Variants in CBR3 observed in about 807,000 individuals in gnomAD.
CBR3 encodes the protein carbonyl reductase [NADPH] 3.
Under a neutral mutation model 11.6 loss-of-function variants are expected in CBR3, and 14 were observed. The observed-to-expected ratio is 1.20, with a 90% CI of 0.79 to 1.88. CBR3 has a LOEUF of 1.88. Among genes scored for constraint, CBR3 ranks in the 40% most tolerant of loss-of-function variants. CBR3 has a pLI of 0.00. For missense variants in CBR3, 308 were observed against 357.3 expected (o/e 0.86, Z 1.11); for synonymous variants, 125 against 145.6 (o/e 0.86, Z 1.02).
intron 2 of CBR3, among the ~76,000 whole-genome samples, chr21:36,139,045 G>A (rs1030446407): frequency 1.3e-4 from 19 of 151,908 alleles, no homozygotes; most frequent in African/African-American, 4.6e-4. Context: ...ATGCCCGAAC[G>A]AGAAATTTTC....
At chr21:36,136,173 G>T (rs2065658588) in intron 1 of CBR3, among the ~76,000 whole-genome samples, 1 of 152,064 alleles carries the variant, frequency 6.6e-6, no homozygotes, top group Non-Finnish European at 1.5e-5. Context: ...AAAATTACAG[G>T]AGGGCGCAGT....
At position 36,146,462 on chromosome 21, in the gene CBR3, A is replaced by T. The variant is rs141918656; in HGVS notation, c.784A>T (p.Thr262Ser). ...CTTGGCCCTCTTGCCTCCAGATGCC[A>T]CTGAGCCACAAGGCCAGTTGGTCCA... is the stretch of plus-strand genomic sequence containing the variant. The part of the protein sequence containing the change: ...VYLALLPPDA[T>S]EPQGQLVHDK... Residue 262 changes from threonine to serine, a missense_variant, in exon 3 of 3, where the codon ACT becomes TCT. By Grantham distance (58) the Thr-to-Ser change is moderately conservative. Transcript: ENST00000290354. 2 of 1,613,256 alleles carry T rather than the reference A, an allele frequency of 1.2e-6. No individual in the cohort carries two copies. The highest frequency in any genetic ancestry group is 1.7e-6 in the Non-Finnish European group (2 of 1,179,314).
At chr21:36,136,102 G>A (rs2065658046) in intron 1 of CBR3, among the ~76,000 whole-genome samples, 1 of 152,124 alleles carries the variant, frequency 6.6e-6, no homozygotes. Context: ...GGTCTTAAAA[G>A]CATCTTCCTT....
At chr21:36,139,109 T>C (rs1168871898) in intron 2 of CBR3, among the ~76,000 whole-genome samples, 1 of 152,134 alleles carries the variant, frequency 6.6e-6, no homozygotes, top group Admixed American at 6.6e-5. Flanking sequence ...ATGTTACTAT[T>C]ATACTTTTCC....
intron 2 of CBR3, 40 bp downstream of exon 2, chr21:36,137,972 T>C (rs1484774728): frequency 9.1e-7 from 1 of 1,104,172 alleles, no homozygotes; most frequent in Non-Finnish European, 1.4e-6. Flanking sequence ...CATCCCTCAG[T>C]AAGAAGTGGG....
Position 36,135,156 on chromosome 21 carries a change from G to A in CBR3, c.-37G>A. On this transcript the variant is annotated 5_prime_UTR_variant, in exon 1 of 3. Coordinates refer to ENST00000290354, the MANE Select transcript of CBR3 (RefSeq NM_001236.4). ...CCCCAGGTGGTCCGAAGCCCGGTCC[G>A]CCCTCCACGCAGGTGCCCCGCGCTC... 1 of 1,416,676 alleles carries A rather than the reference G, an allele frequency of 7.1e-7. No homozygotes were observed. The highest frequency in any genetic ancestry group is 9.2e-7 in the Non-Finnish European group (1 of 1,090,794). 87.8% of individuals were successfully genotyped at this position (1,416,676 alleles called of 1,614,324 possible). A position where few individuals can be genotyped will look rare whatever the true frequency, so the allele number is the denominator to read the frequency against.
chr21:36,135,432 G>T lies in CBR3; in HGVS notation c.240G>T (p.Glu80Asp), dbSNP rs765857316. ...IRALRDFLRKEYGGLNVLVNN... is the reference protein window; with the variant it reads ...IRALRDFLRKDYGGLNVLVNN... ...CCCTGCGCGACTTCCTGCGCAAGGA[G>T]TACGGGGGGCTCAACGTACTGGTCA... Residue 80 changes from glutamate (E) to aspartate (D), a missense_variant, in exon 1 of 3, where the codon GAG becomes GAT. Coordinates refer to ENST00000290354, the MANE Select transcript of CBR3 (RefSeq NM_001236.4). 2.5e-6 allele frequency: 4 copies of T among 1,613,672 alleles called. No individual in the cohort carries two copies. The highest frequency in any genetic ancestry group is 3.4e-6 in the Non-Finnish European group (4 of 1,179,792).
rs1464403839 is a variant in CBR3 at position 36,137,867 on chromosome 21, T to C, written c.332T>C (p.Leu111Pro). The C allele has an allele frequency of 1.2e-6, 2 of 1,611,970 alleles. No individual in the cohort carries two copies. Among genetic ancestry groups the C allele is most frequent in the South Asian group, 1.1e-5 (1 of 91,052 alleles). ...TTTGACATTAAAGCTGAGATGACAC[T>C]GAAGACAAATTTTTTTGCCACTAGA... Reference protein sequence around the residue: ...MPFDIKAEMTLKTNFFATRNM... With the variant: ...MPFDIKAEMTPKTNFFATRNM... Residue 111 changes from leucine to proline, a missense_variant, in exon 2 of 3, where the codon CTG (leucine) becomes CCG (proline). By Grantham distance (98) the Leu-to-Pro change is moderately conservative. Coordinates refer to ENST00000290354, the MANE Select transcript of CBR3 (RefSeq NM_001236.4).
Position 36,135,092 on chromosome 21 carries a change from C to G in CBR3, c.-101C>G. The G allele has an allele frequency of 2.6e-6, 3 of 1,174,188 alleles. No individual in the cohort carries two copies. Among genetic ancestry groups the G allele is most frequent in the Non-Finnish European group, 3.4e-6 (3 of 882,894 alleles). The allele number at this position is 1,174,188 out of a possible 1,614,324, so 72.7% of individuals were successfully genotyped here. A position where few individuals can be genotyped will look rare whatever the true frequency, so the allele number is the denominator to read the frequency against. On this transcript the variant is annotated 5_prime_UTR_variant, in exon 1 of 3. Transcript: ENST00000290354. Reference sequence around the variant, plus strand: ...GCACTGGATCCCAGAACTTAGTCTGCGCGGCGGCATTGACACTAGCTGGGC... The same window carrying G: ...GCACTGGATCCCAGAACTTAGTCTGGGCGGCGGCATTGACACTAGCTGGGC...
intron 2 of CBR3, among the ~76,000 whole-genome samples, chr21:36,142,439 A>AAAAAAAAAACAAC (rs1555883289): frequency 3.4e-5 from 5 of 147,646 alleles, no homozygotes; most frequent in African/African-American, 1.0e-4. Context: ...CTCAAAAAAA[A>AAAAAAAAAACAAC]AAAAAAAAAC....
Position 36,146,364 on chromosome 21 carries a change from G to C in CBR3, c.686G>C (p.Gly229Ala), listed in dbSNP as rs2123355374. Residue 229 changes from glycine to alanine, a missense_variant, in exon 3 of 3, where the codon GGA becomes GCA. Coordinates refer to ENST00000290354, the MANE Select transcript of CBR3 (RefSeq NM_001236.4). ...DRILVNACCP[G>A]PVKTDMDGKD... Reference sequence around the variant, plus strand: ...ATTCTGGTGAATGCGTGCTGCCCAGGACCAGTGAAGACAGACATGGATGGG... The same window carrying C: ...ATTCTGGTGAATGCGTGCTGCCCAGCACCAGTGAAGACAGACATGGATGGG... The C allele has an allele frequency of 6.2e-7, 1 of 1,614,152 alleles. No individual in the cohort carries two copies. Among genetic ancestry groups the C allele is most frequent in the Non-Finnish European group, 8.5e-7 (1 of 1,180,026 alleles).
At chr21:36,136,620 G>A (rs910186709) in intron 1 of CBR3, among the ~76,000 whole-genome samples, 1 of 152,072 alleles carries the variant, frequency 6.6e-6, no homozygotes, top group Non-Finnish European at 1.5e-5. Flanking sequence ...GACGACAGGC[G>A]GAGGGACTTC....
chr21:36,141,278 G>C (rs1237438387), intron 2 of CBR3: 2 of 86,348 alleles, frequency 2.3e-5, no homozygotes, highest in African/African-American at 4.2e-5. Context: ...AAAAAAAAAT[G>C]CATTTAACGC....
chr21:36,136,218 C>A (rs2065658953), intron 1 of CBR3, among the ~76,000 whole-genome samples: 1 of 149,050 alleles, frequency 6.7e-6, no homozygotes, highest in African/African-American at 2.5e-5. Flanking sequence ...TTTGGGAGGC[C>A]GAGGCAGGAG....
At chr21:36,140,932 C>T (rs184434832) in intron 2 of CBR3, among the ~76,000 whole-genome samples, 1,573 of 145,204 alleles carry the variant, frequency 0.011, 30 homozygotes, top group African/African-American at 0.038. Context: ...GGCATGAACC[C>T]GGGAGGCGGA....
chr21:36,141,616 A>C (rs1174106425), intron 2 of CBR3: 2 of 152,216 alleles, frequency 1.3e-5, no homozygotes, highest in East Asian at 3.9e-4. Flanking sequence ...TCAATAGGAC[A>C]AGCAACTACT....
chr21:36,135,104 G>C lies in CBR3; in HGVS notation c.-89G>C. The C allele has an allele frequency of 7.8e-7, 1 of 1,280,428 alleles. No individual in the cohort carries two copies. The highest frequency in any genetic ancestry group is 1.0e-6 in the Non-Finnish European group (1 of 978,480). 79.3% of individuals were successfully genotyped at this position (1,280,428 alleles called of 1,614,324 possible). On this transcript the variant is annotated 5_prime_UTR_variant, in exon 1 of 3. Coordinates refer to ENST00000290354, the MANE Select transcript of CBR3 (RefSeq NM_001236.4). ...AGAACTTAGTCTGCGCGGCGGCATT[G>C]ACACTAGCTGGGCTCCTCGGGGCGC...
At chr21:36,140,998 A>G (rs1188859911) in intron 2 of CBR3, among the ~76,000 whole-genome samples, 2 of 122,074 alleles carry the variant, frequency 1.6e-5, no homozygotes, top group Admixed American at 1.9e-4. Context: ...ACAGAGCCAC[A>G]CTCCATCTCA....
intron 2 of CBR3, chr21:36,142,131 A>G (rs528946252): frequency 6.4e-6 from 1 of 157,402 alleles, no homozygotes; most frequent in East Asian, 1.9e-4. Flanking sequence ...AAGAGATGTG[A>G]CAATTAAATG....
Sources: gnomAD v4.1 joint callset for allele counts (sites outside exome capture counted in the v4.1 genomes callset) on GRCh38, gnomAD v4.1.1 for gene constraint, MANE v1.5 for transcripts, NCBI Gene and HGNC (gene_info 2026-07-23, HGNC 2026-07-21) for gene names.